Variants in ZNF549 observed in about 807,000 individuals in gnomAD.
The protein encoded by ZNF549 is zinc finger protein 549.
ZNF549 carries 11 observed loss-of-function variants against 11.1 expected under a neutral mutation model. The observed-to-expected ratio is 0.99, with a 90% CI of 0.62 to 1.64. The LOEUF is 1.64. Among genes scored for constraint, ZNF549 ranks in the 40% most tolerant of loss-of-function variants. The pLI is 0.00. For synonymous variants in ZNF549, 266 were observed against 269.1 expected (o/e 0.99, Z 0.11); for missense variants, 748 against 765.1 (o/e 0.98, Z 0.26).
In ZNF549 at chr19:57,537,810, A is replaced by G. The variant is rs889187626; in HGVS notation, c.806A>G (p.His269Arg). The change falls in exon 4 of 4, where the codon CAT (histidine) becomes CGT (arginine). Residue 269 changes from histidine to arginine, a missense_variant. His to Arg is a conservative substitution (Grantham distance 29). Transcript: ENST00000376233. ...KYLFVEHQRT[H>R]NAEKPYVCNI... is the part of the protein sequence containing the mutation. ...TTATTTGTTGAACACCAGAGAACCC[A>G]TAATGCAGAAAAGCCTTATGTGTGC... 2 of 1,614,136 alleles carry G rather than the reference A, an allele frequency of 1.2e-6. No homozygotes were observed. Among genetic ancestry groups the G allele is most frequent in the African/African-American group, 1.3e-5 (1 of 74,956 alleles).
At chr19:57,527,667 C>T (rs1298761776) in intron 1 of ZNF549, 61 bp downstream of exon 1, 1 of 1,587,862 alleles carries the variant, frequency 6.3e-7, no homozygotes, top group African/African-American at 1.4e-5. Context: ...GGGTCACCTG[C>T]GTGGGTCTCT....
At chr19:57,528,268 T>C (rs1175706084) in intron 1 of ZNF549, among the ~76,000 whole-genome samples, 3 of 151,896 alleles carry the variant, frequency 2.0e-5, no homozygotes, top group Non-Finnish European at 4.4e-5. Context: ...TCTGGAAGAG[T>C]TGACAAAGAA....
chr19:57,535,056 C>CT (rs2089918300), intron 2 of ZNF549, 88 bp from the exon 3 acceptor site: 4 of 1,540,420 alleles, frequency 2.6e-6, no homozygotes, highest in African/African-American at 1.4e-5. Flanking sequence ...GGTATCTCCT[C>CT]TGAGTTGGAG....
chr19:57,536,722 A>G (rs1025848995), intron 3 of ZNF549, among the ~76,000 whole-genome samples: 1 of 152,054 alleles, frequency 6.6e-6, no homozygotes, highest in Non-Finnish European at 1.5e-5. Context: ...GTCTTCCCCT[A>G]CATGGTAACC....
chr19:57,539,240 G>T lies in ZNF549; in HGVS notation c.*313G>T. ...ATAATATAATAAAAGCCTGTTGAGGGTCCTCTTCCATCTTGCTGAACTGTT... is the reference window on the plus strand; with the variant it reads ...ATAATATAATAAAAGCCTGTTGAGGTTCCTCTTCCATCTTGCTGAACTGTT... On this transcript the variant is annotated 3_prime_UTR_variant, in exon 4 of 4. Coordinates refer to ENST00000376233, the MANE Select transcript of ZNF549 (RefSeq NM_001199295.2). The T allele has an allele frequency of 4.0e-6, 1 of 248,012 alleles. No individual in the cohort carries two copies. Among genetic ancestry groups the T allele is most frequent in the Non-Finnish European group, 7.8e-6 (1 of 127,550 alleles). 15.4% of individuals were successfully genotyped at this position (248,012 alleles called of 1,614,324 possible).
chr19:57,534,733 A>G (rs1391918598), intron 2 of ZNF549, among the ~76,000 whole-genome samples: 2 of 152,156 alleles, frequency 1.3e-5, no homozygotes, highest in Non-Finnish European at 2.9e-5. Context: ...TCCTTGTTGC[A>G]TTTAGCAAGC....
At chr19:57,527,707 A>G (rs1483012865) in intron 1 of ZNF549, 101 bp downstream of exon 1, 1 of 1,446,138 alleles carries the variant, frequency 6.9e-7, no homozygotes, top group African/African-American at 1.4e-5. Flanking sequence ...CAGGACAGCG[A>G]GGAGTTCTGG....
At position 57,531,229 on chromosome 19, in the gene ZNF549, G is replaced by A. The variant is rs186596620; in HGVS notation, c.72+121G>A. On this transcript the variant is annotated intron_variant, in intron 2 of 3. Coordinates refer to ENST00000376233, the MANE Select transcript of ZNF549 (RefSeq NM_001199295.2). ...TTTTCCTTCATCTTGGGTCCCTGGG[G>A]CCACCTCAGGCCCAGGATGATTAAT... 1,434 of 926,086 alleles carry A rather than the reference G, an allele frequency of 1.5e-3. 17 individuals carry two copies. In the African/African-American group the frequency reaches 0.02, roughly 13 times the overall value. 57.4% of individuals were successfully genotyped at this position (926,086 alleles called of 1,614,324 possible).
chr19:57,537,121 C>G lies in ZNF549; in HGVS notation c.200-83C>G. ...AGAAAAACCATGGACTCGTCCCTCC[C>G]TGTGTTCCACAGGTATTTGTAATGG... On this transcript the variant is annotated intron_variant, in intron 3 of 3. Transcript: ENST00000376233. 3.4e-6 allele frequency: 5 copies of G among 1,480,110 alleles called. No homozygotes were observed. The South Asian group carries it at 6.7e-5, about 20-fold the overall frequency. The allele number at this position is 1,480,110 out of a possible 1,614,324, so 91.7% of individuals were successfully genotyped here.
chr19:57,535,169 C>T lies in ZNF549; in HGVS notation c.98C>T (p.Ala33Val). The change falls in exon 3 of 4, where the codon GCT becomes GTT. Residue 33 changes from alanine (A) to valine (V), a missense_variant. By Grantham distance (64) the Ala-to-Val change is moderately conservative. Coordinates refer to ENST00000376233, the MANE Select transcript of ZNF549 (RefSeq NM_001199295.2). ...SQGHVTFEDIAVYFSQEEWGL... is the reference protein window; with the variant it reads ...SQGHVTFEDIVVYFSQEEWGL... ...GGCCATGTGACCTTTGAGGATATTG[C>T]TGTGTACTTCTCCCAGGAGGAGTGG... is the stretch of plus-strand genomic sequence containing the variant. 6.2e-7 allele frequency: 1 copy of T among 1,614,080 alleles called. No homozygotes were observed. Among genetic ancestry groups the T allele is most frequent in the Non-Finnish European group, 8.5e-7 (1 of 1,179,960 alleles).
intron 3 of ZNF549, among the ~76,000 whole-genome samples, chr19:57,536,783 C>G (rs775058012): frequency 3.3e-5 from 5 of 152,172 alleles, no homozygotes; most frequent in Non-Finnish European, 7.4e-5. Context: ...GACTCCAGCT[C>G]CCTTGTCCTG....
At chr19:57,530,880 A>G (rs1319291813) in intron 1 of ZNF549, among the ~76,000 whole-genome samples, 190 bp from the exon 2 acceptor site, 1 of 151,914 alleles carries the variant, frequency 6.6e-6, no homozygotes, top group African/African-American at 2.4e-5. Flanking sequence ...AGCATTGGAC[A>G]CGTATGAATG....
At chr19:57,534,538 G>T (rs937016706) in intron 2 of ZNF549, among the ~76,000 whole-genome samples, 1 of 152,174 alleles carries the variant, frequency 6.6e-6, no homozygotes, top group East Asian at 1.9e-4. Flanking sequence ...AGAGAGGAAA[G>T]ATATGACTGG....
rs541704077 is a variant in ZNF549, at chr19:57,537,344, A to C, written c.340A>C (p.Lys114Gln). 100 of 1,614,166 alleles carry C rather than the reference A, an allele frequency of 6.2e-5. No individual in the cohort carries two copies. In the South Asian group the frequency reaches 1.0e-3, roughly 17 times the overall value. Residue 114 changes from lysine to glutamine, a missense_variant, in exon 4 of 4, where the codon AAA (lysine) becomes CAA (glutamine). Coordinates refer to ENST00000376233, the MANE Select transcript of ZNF549 (RefSeq NM_001199295.2). The stretch of plus-strand genomic sequence containing the variant: ...TTGTGAGATGTGTATCCTGGTCATG[A>C]AAGACATTTTGTACCTCAGTGAGCA... ...HSCEMCILVM[K>Q]DILYLSEHQG...
At chr19:57,533,762 C>A (rs2089913212) in intron 2 of ZNF549, among the ~76,000 whole-genome samples, 1 of 152,346 alleles carries the variant, frequency 6.6e-6, no homozygotes, top group African/African-American at 2.4e-5. Context: ...CTCCTGTATG[C>A]CCTCGTTTGT....
intron 1 of ZNF549, among the ~76,000 whole-genome samples, chr19:57,529,455 A>G (rs1180384872): frequency 2.0e-5 from 3 of 152,258 alleles, no homozygotes; most frequent in Non-Finnish European, 4.4e-5. Context: ...ACTGCAGTTG[A>G]GACAATAAAA....
intron 1 of ZNF549, among the ~76,000 whole-genome samples, chr19:57,529,417 T>C: frequency 6.6e-6 from 1 of 152,306 alleles, no homozygotes; most frequent in Middle Eastern, 3.4e-3. Flanking sequence ...AGAACAGTTA[T>C]ACTTTATAAG....
intron 3 of ZNF549, among the ~76,000 whole-genome samples, chr19:57,536,925 C>T (rs1334486035): frequency 3.3e-5 from 5 of 152,062 alleles, no homozygotes; most frequent in Admixed American, 1.3e-4. Flanking sequence ...CCTGTATCTC[C>T]ACAAGAAATT....
chr19:57,538,996 AACAG>A lies in ZNF549; in HGVS notation c.*75_*78del. On this transcript the variant is annotated 3_prime_UTR_variant, in exon 4 of 4. Transcript: ENST00000376233. The stretch of plus-strand genomic sequence containing the variant: ...AGAGAGCTGATTTTTCAAGGGATCC[AACAG>A]ACAGAAATTCACCCTCATACATCTG... The A allele has an allele frequency of 6.7e-7, 1 of 1,494,542 alleles. No homozygotes were observed. Among genetic ancestry groups the A allele is most frequent in the Non-Finnish European group, 8.9e-7 (1 of 1,121,298 alleles). The allele number at this position is 1,494,542 out of a possible 1,614,324, so 92.6% of individuals were successfully genotyped here.
Sources: gnomAD v4.1 joint callset for allele counts (sites outside exome capture counted in the v4.1 genomes callset) on GRCh38, gnomAD v4.1.1 for gene constraint, MANE v1.5 for transcripts, NCBI Gene and HGNC (gene_info 2026-07-23, HGNC 2026-07-21) for gene names.